Variants in SLC40A1 observed in about 807,000 individuals in gnomAD.
The protein encoded by SLC40A1 is ferroportin.
Under a neutral mutation model 53.5 loss-of-function variants are expected in SLC40A1, and 16 were observed. The ratio of observed to expected loss-of-function variants is 0.30; its 90% CI spans 0.20 to 0.45. The LOEUF is 0.45. SLC40A1 is among the 20% of genes least tolerant of loss of function. The pLI is 1.00. For synonymous variants in SLC40A1, 247 were observed against 253.2 expected, an observed-to-expected ratio of 0.98 and a Z score of 0.23; for missense variants, 545 against 695.4, an observed-to-expected ratio of 0.78 and a Z score of 2.43.
rs931672821 is a variant in SLC40A1, at chr2:189,580,344, A to G, written c.43+74T>C. 8 of 1,424,810 alleles carry G rather than the reference A, an allele frequency of 5.6e-6. No individual in the cohort carries two copies. The African/African-American group carries it at 1.1e-4, about 20-fold the overall frequency. 88.3% of individuals were successfully genotyped at this position (1,424,810 alleles called of 1,614,324 possible). On this transcript the variant is annotated intron_variant, in intron 1 of 7. Transcript: ENST00000261024. ...TCACAGCAGAGCCACATTCCTCCAG[A>G]ACTCGTGTAGAGTTGCTTGTCTCCA...
chr2:189,564,003 G>T lies in SLC40A1; in HGVS notation c.983C>A (p.Thr328Asn). The T allele has an allele frequency of 6.2e-7, 1 of 1,614,088 alleles. No individual in the cohort carries two copies. Residue 328 changes from threonine (T) to asparagine (N), a missense_variant, in exon 7 of 8, where the codon ACC (threonine) becomes AAC (asparagine). Transcript: ENST00000261024. Reference sequence around the variant, plus strand: ...TCCCTGAGTGTAGGCGTACCCTGTGGTGATGCAGTCAAAGCCCAGGACAGT... The same window carrying T: ...TCCCTGAGTGTAGGCGTACCCTGTGTTGATGCAGTCAAAGCCCAGGACAGT... ...YMTVLGFDCI[T>N]TGYAYTQGLS...
In SLC40A1 at chr2:189,579,832, C is replaced by A; in HGVS notation, c.92G>T (p.Gly31Val). The A allele has an allele frequency of 6.2e-7, 1 of 1,613,998 alleles. No homozygotes were observed. The change falls in exon 2 of 8, where the codon GGT (glycine) becomes GTT (valine). Residue 31 changes from glycine (G) to valine (V), a missense_variant. By Grantham distance (109) the Gly-to-Val change is moderately radical. Around this residue, in one of 4 missense-constraint regions of SLC40A1, gnomAD observed 197 missense variants for 278.8 expected, o/e 0.71. Transcript: ENST00000261024. The part of the protein sequence containing the change: ...LTSAKFLLYL[G>V]HSLSTWGDRM... Reference sequence around the variant, plus strand: ...ACTTACCCAAGTAGAGAGAGAATGACCAAGGTAGAGAAGGAATTTTGCAGA... The same window carrying A: ...ACTTACCCAAGTAGAGAGAGAATGAACAAGGTAGAGAAGGAATTTTGCAGA...
intron 2 of SLC40A1, 35 bp downstream of exon 2, chr2:189,579,778 G>T (rs759052788): frequency 1.3e-6 from 2 of 1,573,292 alleles, no homozygotes; most frequent in Middle Eastern, 1.7e-4. Flanking sequence ...AAAAAATTGC[G>T]CAACTGTGTT....
intron 5 of SLC40A1, among the ~76,000 whole-genome samples, chr2:189,567,794 C>T (rs1234216608): frequency 3.3e-5 from 5 of 152,102 alleles, no homozygotes; most frequent in Non-Finnish European, 7.4e-5. Context: ...ACTTGAGAGG[C>T]AAAGGCAGCC....
At chr2:189,567,490 A>C (rs1269602261) in intron 5 of SLC40A1, among the ~76,000 whole-genome samples, 3 of 152,216 alleles carry the variant, frequency 2.0e-5, no homozygotes, top group African/African-American at 7.2e-5. Flanking sequence ...CAGTATAAAA[A>C]ATTAATTAAA....
In SLC40A1 at chr2:189,564,214, T is replaced by C. The variant is rs376475660; in HGVS notation, c.772A>G (p.Lys258Glu). The C allele has an allele frequency of 6.8e-6, 11 of 1,613,934 alleles. No individual in the cohort carries two copies. The African/African-American group carries it at 1.5e-4, about 22-fold the overall frequency. The change falls in exon 7 of 8, where the codon AAA becomes GAA. Residue 258 changes from lysine to glutamate, a missense_variant. Physicochemically the swap from Lys to Glu is moderately conservative, Grantham distance 56. Coordinates refer to ENST00000261024, the MANE Select transcript of SLC40A1 (RefSeq NM_014585.6). ...QLNLHKDTEP[K>E]PLEGTHLMGV... ...ATTAGATGAGTTCCCTCCAGGGGTT[T>C]TGGCTCAGTATCTGTTAAGAAAAGA...
intron 7 of SLC40A1, among the ~76,000 whole-genome samples, chr2:189,562,828 T>G (rs1201037440): frequency 6.6e-6 from 1 of 152,146 alleles, no homozygotes; most frequent in Non-Finnish European, 1.5e-5. Flanking sequence ...GCAAACTATA[T>G]AATAAATACA....
chr2:189,570,601 C>T (rs997180845), intron 5 of SLC40A1, among the ~76,000 whole-genome samples: 22 of 152,216 alleles, frequency 1.4e-4, no homozygotes, highest in Non-Finnish European at 2.4e-4. Flanking sequence ...ATTCATCTTA[C>T]ATACACACCA....
rs1343168279 is a variant in SLC40A1, at chr2:189,563,869, C to T, written c.1117G>A (p.Gly373Ser). 1 of 1,614,214 alleles carries T rather than the reference C, an allele frequency of 6.2e-7. No individual in the cohort carries two copies. Residue 373 changes from glycine to serine, a missense_variant, in exon 7 of 8, where the codon GGT (glycine) becomes AGT (serine). Transcript: ENST00000261024. ...AGCTGTGCCAATCCTGAGATCAGAC[C>T]TGTCCGAACCAAACCACATTTTCGA... ...LRRKCGLVRT[G>S]LISGLAQLSC...
At position 189,580,591 on chromosome 2, in the gene SLC40A1, GACT is replaced by G. The variant is rs1175984322; in HGVS notation, c.-134_-132del. On this transcript the variant is annotated 5_prime_UTR_variant, in exon 1 of 8. Transcript: ENST00000261024. ...AAAACACAACAGCCTTGGGCAAAAA[GACT>G]ACAACGACGACTTTGGCAAAGAACA... The G allele has an allele frequency of 1.3e-6, 2 of 1,573,854 alleles. No individual in the cohort carries two copies. Among genetic ancestry groups the G allele is most frequent in the Non-Finnish European group, 8.6e-7 (1 of 1,165,506 alleles).
intron 5 of SLC40A1, among the ~76,000 whole-genome samples, chr2:189,569,950 T>C (rs1196260051): frequency 1.3e-5 from 2 of 151,428 alleles, no homozygotes; most frequent in African/African-American, 4.8e-5. Flanking sequence ...GTTATATTTA[T>C]ATGATGTGTG....
Position 189,563,811 on chromosome 2 carries a change from A to G in SLC40A1, c.1175T>C (p.Phe392Ser). 6.2e-7 allele frequency: 1 copy of G among 1,614,214 alleles called. No homozygotes were observed. Among genetic ancestry groups the G allele is most frequent in the Non-Finnish European group, 8.5e-7 (1 of 1,180,032 alleles). ...CAAGTCCAGGGGGCTTCCAGGCATG[A>G]ATACAGAGATCACACACAAGATCAA... ...SCLILCVISV[F>S]MPGSPLDLSV... The change falls in exon 7 of 8, where the codon TTC becomes TCC. Residue 392 changes from phenylalanine (F) to serine (S), a missense_variant. This residue lies in a region of SLC40A1 where 234 missense variants were observed against 299.0 expected (regional missense o/e 0.78). Transcript: ENST00000261024.
chr2:189,579,752 T>C, intron 2 of SLC40A1, 61 bp downstream of exon 2: 1 of 1,455,734 alleles, frequency 6.9e-7, no homozygotes, highest in East Asian at 2.3e-5. Flanking sequence ...TACAACTGGC[T>C]AGAACGAAAG....
chr2:189,565,332 G>C (rs1430263254), intron 6 of SLC40A1, 22 bp downstream of exon 6: 2 of 1,613,566 alleles, frequency 1.2e-6, no homozygotes, highest in East Asian at 2.2e-5. Flanking sequence ...AACAAAAGGA[G>C]AGATCATTGT....
At chr2:189,576,307 C>T (rs1185259379) in intron 2 of SLC40A1, among the ~76,000 whole-genome samples, 1 of 152,170 alleles carries the variant, frequency 6.6e-6, no homozygotes. Context: ...TACTTCTACT[C>T]CTAGTTCTTC....
chr2:189,570,047 CA>C, intron 5 of SLC40A1, among the ~76,000 whole-genome samples: 1 of 147,014 alleles, frequency 6.8e-6, no homozygotes, highest in Non-Finnish European at 1.5e-5. Context: ...TATATATACA[CA>C]CACCTATATA....
chr2:189,563,467 G>A (rs7596205), intron 7 of SLC40A1, 117 bp downstream of exon 7: 81,054 of 842,504 alleles, frequency 0.096, 4,494 homozygotes, highest in South Asian at 0.17. Context: ...TCGTAAGAGT[G>A]GATTTTGCTT....
intron 3 of SLC40A1, 113 bp downstream of exon 3, chr2:189,575,048 C>T: frequency 4.1e-6 from 5 of 1,205,646 alleles, no homozygotes; most frequent in Non-Finnish European, 6.1e-6. Flanking sequence ...TCAAGTGTGG[C>T]ATGCAGACAT....
At chr2:189,578,239 C>T in intron 2 of SLC40A1, 47 of 997,602 alleles carry the variant, frequency 4.7e-5, no homozygotes, top group Non-Finnish European at 5.3e-5. Flanking sequence ...AGACATTCCT[C>T]TTTTGCACTC....
Sources: allele counts gnomAD v4.1 joint callset (sites outside exome capture counted in the v4.1 genomes callset), GRCh38; gene constraint gnomAD v4.1.1; regional missense constraint gnomAD v4.1.1; transcripts MANE v1.5; gene names NCBI Gene and HGNC (gene_info 2026-07-23, HGNC 2026-07-21).